WNT2: variants seen among roughly 807,000 people sequenced by gnomAD.
The protein encoded by WNT2 is Wnt family member 2, also known as protein Wnt-2.
A neutral mutation model predicts 36.9 loss-of-function variants in WNT2; 12 were observed. The observed-to-expected ratio is 0.33, with a 90% CI of 0.21 to 0.53. The LOEUF (loss-of-function observed/expected upper bound fraction) is 0.53, where lower values mean the gene tolerates loss of function less well. WNT2 is among the 20% of genes least tolerant of loss of function. WNT2 has a pLI of 0.95. For missense variants in WNT2, 379 were observed against 473.1 expected (o/e 0.80, Z 1.84); for synonymous variants, 163 against 174.6 (o/e 0.93, Z 0.52).
chr7:117,283,870 A>G (rs1794537509), intron 4 of WNT2, among the ~76,000 whole-genome samples: 1 of 152,202 alleles, frequency 6.6e-6, no homozygotes, highest in Non-Finnish European at 1.5e-5. Flanking sequence ...GGCCCAGAAG[A>G]TGGAAAATGA....
intron 4 of WNT2, among the ~76,000 whole-genome samples, chr7:117,280,575 A>G (rs931533768): frequency 6.6e-6 from 1 of 152,236 alleles, no homozygotes; most frequent in Non-Finnish European, 1.5e-5. Flanking sequence ...GCAAAGCACC[A>G]CAGCAAACAG....
At chr7:117,315,450 T>C in intron 2 of WNT2, 102 bp from the exon 3 acceptor site, 1 of 1,251,582 alleles carries the variant, frequency 8.0e-7, no homozygotes, top group Non-Finnish European at 1.1e-6. Flanking sequence ...AGACAACCTT[T>C]GCCACTAGAC....
At chr7:117,313,539 T>C (rs1795161169) in intron 3 of WNT2, among the ~76,000 whole-genome samples, 1 of 152,258 alleles carries the variant, frequency 6.6e-6, no homozygotes, top group South Asian at 2.1e-4. Context: ...ATTCAATATC[T>C]AATGACCTAT....
intron 4 of WNT2, among the ~76,000 whole-genome samples, chr7:117,281,865 A>G (rs1360872713): frequency 6.6e-6 from 1 of 152,150 alleles, no homozygotes; most frequent in East Asian, 1.9e-4. Flanking sequence ...CCTCGATGAG[A>G]GCAGTTTCAG....
Position 117,320,781 on chromosome 7 carries a change from A to G in WNT2, c.96T>C (p.Ala32=), listed in dbSNP as rs938351131. The G allele has an allele frequency of 1.2e-6, 2 of 1,610,698 alleles. No individual in the cohort carries two copies. The highest frequency in any genetic ancestry group is 3.3e-5 in the Admixed American group (2 of 59,850). ...ACATCACCCTGGAGGAGCCACCTGT[A>G]GCTCTCATGTACCTATAAGGGACCA... ...EVNSSWWYMR[A]TGGSSRVMCD... is the part of the protein sequence containing the mutation. The change falls in exon 2 of 5, where the codon GCT becomes GCC. Residue 32 remains alanine, a synonymous_variant. Coordinates refer to ENST00000265441, the MANE Select transcript of WNT2 (RefSeq NM_003391.3).
chr7:117,289,801 C>G (rs1794654379), intron 4 of WNT2, among the ~76,000 whole-genome samples: 1 of 152,114 alleles, frequency 6.6e-6, no homozygotes, highest in South Asian at 2.1e-4. Context: ...CACACTGTGG[C>G]ACATGCTATG....
intron 3 of WNT2, among the ~76,000 whole-genome samples, chr7:117,311,099 G>A (rs924443665): frequency 6.6e-5 from 10 of 152,218 alleles, no homozygotes; most frequent in African/African-American, 2.4e-4. Flanking sequence ...GAAAGTTGCA[G>A]TGCTGTTTGT....
At chr7:117,287,131 A>C (rs1794596270) in intron 4 of WNT2, among the ~76,000 whole-genome samples, 1 of 152,040 alleles carries the variant, frequency 6.6e-6, no homozygotes, top group Non-Finnish European at 1.5e-5. Flanking sequence ...GGCGGATCAC[A>C]AGTTCATGAG....
chr7:117,287,857 G>A (rs560950263), intron 4 of WNT2, among the ~76,000 whole-genome samples: 7 of 152,084 alleles, frequency 4.6e-5, no homozygotes, highest in African/African-American at 1.4e-4. Context: ...CCATGGTGGT[G>A]GACACCTGTA....
chr7:117,304,772 T>A (rs1377947054), intron 3 of WNT2, among the ~76,000 whole-genome samples: 1 of 152,228 alleles, frequency 6.6e-6, no homozygotes, highest in East Asian at 1.9e-4. Flanking sequence ...AATTAGCCGG[T>A]TGCCAAATTT....
intron 4 of WNT2, among the ~76,000 whole-genome samples, 198 bp downstream of exon 4, chr7:117,297,414 C>T (rs1794812674): frequency 6.6e-6 from 1 of 152,096 alleles, no homozygotes; most frequent in Non-Finnish European, 1.5e-5. Context: ...AAGCAATCTG[C>T]CCATTTCGGC....
chr7:117,282,996 A>G (rs1794517263), intron 4 of WNT2, among the ~76,000 whole-genome samples: 1 of 152,190 alleles, frequency 6.6e-6, no homozygotes, highest in Admixed American at 6.5e-5. Flanking sequence ...AAGGTTTCTC[A>G]GGTTCTGGCC....
chr7:117,320,022 A>G (rs1346071375), intron 2 of WNT2, among the ~76,000 whole-genome samples: 1 of 152,194 alleles, frequency 6.6e-6, no homozygotes, highest in East Asian at 1.9e-4. Flanking sequence ...TGTTGGGAGG[A>G]AAAATGTTGA....
intron 4 of WNT2, among the ~76,000 whole-genome samples, chr7:117,281,704 G>A (rs998748120): frequency 6.6e-6 from 1 of 152,072 alleles, no homozygotes; most frequent in Non-Finnish European, 1.5e-5. Flanking sequence ...GATATTGCGT[G>A]AAGAAACAAG....
chr7:117,292,570 A>G (rs1794711065), intron 4 of WNT2, among the ~76,000 whole-genome samples: 1 of 152,202 alleles, frequency 6.6e-6, no homozygotes, highest in South Asian at 2.1e-4. Context: ...CCATCCAGGA[A>G]TAACCTGGGG....
intron 4 of WNT2, among the ~76,000 whole-genome samples, chr7:117,290,068 A>G (rs1279222463): frequency 6.6e-6 from 1 of 152,184 alleles, no homozygotes; most frequent in Non-Finnish European, 1.5e-5. Flanking sequence ...AGTTTTAAGC[A>G]GAAGCAGGTT....
chr7:117,316,422 T>A (rs984473671), intron 2 of WNT2, among the ~76,000 whole-genome samples: 11 of 152,178 alleles, frequency 7.2e-5, no homozygotes, highest in Non-Finnish European at 1.5e-4. Flanking sequence ...GCAAATATAT[T>A]AACAATCCAA....
chr7:117,282,220 G>GT (rs1293039956), intron 4 of WNT2, among the ~76,000 whole-genome samples: 1 of 152,148 alleles, frequency 6.6e-6, no homozygotes. Context: ...GCCCCTTCAG[G>GT]TTTTTTATCT....
intron 4 of WNT2, among the ~76,000 whole-genome samples, chr7:117,289,051 C>CTTTTT (rs1187027317): frequency 5.6e-5 from 5 of 89,440 alleles, no homozygotes; most frequent in African/African-American, 9.6e-5. Flanking sequence ...TCACGTTAGA[C>CTTTTT]TTTTTTTTTT....
Sources: allele counts gnomAD v4.1 joint callset (sites outside exome capture counted in the v4.1 genomes callset), GRCh38; gene constraint gnomAD v4.1.1; transcripts MANE v1.5; gene names NCBI Gene and HGNC (gene_info 2026-07-23, HGNC 2026-07-21).